Variants in TRO observed in about 807,000 individuals in gnomAD.
TRO encodes MAGE superfamily protein.
Under a neutral mutation model 42.3 loss-of-function variants are expected in TRO, and 29 were observed. That is an observed-to-expected ratio of 0.68 (90% CI 0.51 to 0.93). The LOEUF is 0.93. Among genes scored for constraint, TRO ranks in the 40% least tolerant of loss-of-function variants. The pLI, the probability that TRO is intolerant of heterozygous loss-of-function variation, is 0.00. For missense variants in TRO, 963 were observed against 1,127.7 expected (o/e 0.85, Z 2.09); for synonymous variants, 384 against 425.2 (o/e 0.90, Z 1.19).
chrX:54,921,524 A>G (rs1402908776), intron 1 of TRO: 2 of 102,660 alleles, frequency 1.9e-5, no homozygotes, highest in Non-Finnish European at 4.0e-5. Flanking sequence ...ACGTGGAAAG[A>G]GGGGGGAGTG....
At chrX:54,927,413 G>C in intron 10 of TRO, 1 of 472,168 alleles carries the variant, frequency 2.1e-6, no homozygotes, top group Non-Finnish European at 3.7e-6. Flanking sequence ...TGGCCTTCCT[G>C]TGACATCATG....
rs769841462 is a variant in TRO at position 54,930,138 on chromosome X, C to G, written c.3414C>G (p.Ser1138Arg). The change falls in exon 12 of 13, where the codon AGC (serine) becomes AGG (arginine). Residue 1138 changes from serine (S) to arginine (R), a missense_variant. Around this residue, in one of 2 missense-constraint regions of TRO, gnomAD observed 641 missense variants for 811.3 expected, o/e 0.79. Coordinates refer to ENST00000173898, the MANE Select transcript of TRO (RefSeq NM_001039705.3). ...GFGAAPSTSVSFGGAHGTSLC... is the reference protein window; with the variant it reads ...GFGAAPSTSVRFGGAHGTSLC... ...GTGCTGCTCCCAGCACCAGTGTCAG[C>G]TTTGGTGGTGCTCATGGCACCAGCC... The G allele has an allele frequency of 1.7e-5, 21 of 1,210,522 alleles. No homozygotes were observed. The highest frequency in any genetic ancestry group is 2.3e-5 in the Non-Finnish European group (21 of 895,270).
In TRO at chrX:54,929,576, G is replaced by T. The variant is rs777588653; in HGVS notation, c.2852G>T (p.Gly951Val). 8.3e-7 allele frequency: 1 copy of T among 1,211,704 alleles called. No individual in the cohort carries two copies. The highest frequency in any genetic ancestry group is 1.1e-6 in the Non-Finnish European group (1 of 895,423). Residue 951 changes from glycine to valine, a missense_variant, in exon 12 of 13, where the codon GGT (glycine) becomes GTT (valine). By Grantham distance (109) the Gly-to-Val change is moderately radical (BLOSUM62 -3). Transcript: ENST00000173898. ...GSSSTSANFG[G>V]TLSTSICFDG... ...TCCAGCACCAGTGCCAATTTTGGTGGTACACTAAGTACCAGCATCTGCTTT... is the reference window on the plus strand; with the variant it reads ...TCCAGCACCAGTGCCAATTTTGGTGTTACACTAAGTACCAGCATCTGCTTT...
At chrX:54,924,314 G>A (rs12851962) in intron 3 of TRO, 137 bp from the exon 4 acceptor site, 185,189 of 549,390 alleles carry the variant, frequency 0.34, 23,725 homozygotes, top group East Asian at 0.59. Context: ...CAATGGCAAG[G>A]TCAGGATCAG....
At position 54,924,471 on chromosome X, in the gene TRO, T is replaced by C. The variant is rs778988555; in HGVS notation, c.1257T>C (p.Asp419=). The C allele has an allele frequency of 3.3e-6, 4 of 1,206,132 alleles. No individual in the cohort carries two copies. In the African/African-American group the frequency reaches 5.2e-5, roughly 16 times the overall value. The part of the protein sequence containing the change: ...RNRKSKHLNG[D]ERSGSNYRRI... Reference sequence around the variant, plus strand: ...TGAAGTCCAAGCATCTGAATGGGGATGAGAGAAGTGGCAGTAATTACAGGC... The same window carrying C: ...TGAAGTCCAAGCATCTGAATGGGGACGAGAGAAGTGGCAGTAATTACAGGC... The change falls in exon 4 of 13, where the codon GAT becomes GAC. Residue 419 remains aspartate (D), a synonymous_variant. Transcript: ENST00000173898.
Position 54,929,474 on chromosome X carries a change from T to C in TRO, c.2750T>C (p.Ile917Thr), listed in dbSNP as rs1157156682. Residue 917 changes from isoleucine to threonine, a missense_variant, in exon 12 of 13, where the codon ATC becomes ACC. By Grantham distance (89) the Ile-to-Thr change is moderately conservative. This residue lies in a region of TRO where 641 missense variants were observed against 811.3 expected (regional missense o/e 0.79). Transcript: ENST00000173898. ...TTTGGTGGTACACTCAGTACCAGTA[T>C]CTGCTTCGGTGGCTCTCCCTGCACC... ...GSFGGTLSTS[I>T]CFGGSPCTST... The C allele has an allele frequency of 8.3e-7, 1 of 1,210,276 alleles. No homozygotes were observed. Among genetic ancestry groups the C allele is most frequent in the East Asian group, 3.0e-5 (1 of 33,738 alleles).
chrX:54,929,481 C>T lies in TRO; in HGVS notation c.2757C>T (p.Phe919=), dbSNP rs959775341. 1.4e-5 allele frequency: 17 copies of T among 1,209,513 alleles called. No individual in the cohort carries two copies. The highest frequency in any genetic ancestry group is 3.0e-5 in the East Asian group (1 of 33,704). Residue 919 remains phenylalanine (F), a synonymous_variant, in exon 12 of 13, where the codon TTC becomes TTT. Transcript: ENST00000173898. ...GTACACTCAGTACCAGTATCTGCTT[C>T]GGTGGCTCTCCCTGCACCAGCACTG... ...FGGTLSTSIC[F]GGSPCTSTGF...
chrX:54,923,145 G>T lies in TRO; in HGVS notation c.613G>T (p.Ala205Ser). 1 of 1,211,473 alleles carries T rather than the reference G, an allele frequency of 8.3e-7. No homozygotes were observed. The highest frequency in any genetic ancestry group is 1.1e-6 in the Non-Finnish European group (1 of 895,480). ...ALITSIKPKK[A>S]SKAKKAANKA... ...GATAACCTCTATCAAGCCTAAGAAA[G>T]CTTCCAAGGCTAAGAAGGCTGCAAA... is the stretch of plus-strand genomic sequence containing the variant. Residue 205 changes from alanine to serine, a missense_variant, in exon 3 of 13, where the codon GCT (alanine) becomes TCT (serine). Ala to Ser is a moderately conservative substitution (Grantham distance 99). Around this residue, in one of 2 missense-constraint regions of TRO, gnomAD observed 322 missense variants for 316.5 expected, o/e 1.02. Transcript: ENST00000173898.
intron 11 of TRO, among the ~76,000 whole-genome samples, 164 bp from the exon 12 acceptor site, chrX:54,928,439 C>T (rs886711027): frequency 4.5e-5 from 5 of 112,216 alleles, no homozygotes; most frequent in African/African-American, 1.6e-4. Flanking sequence ...TCATATAGCA[C>T]GTAAGTCAGC....
At chrX:54,924,816 C>A in intron 5 of TRO, 83 bp downstream of exon 5, 1 of 1,048,064 alleles carries the variant, frequency 9.5e-7, no homozygotes, top group Non-Finnish European at 1.3e-6. Context: ...ACTTTATGGC[C>A]TCTTTGTTCT....
rs372634427 is a variant in TRO at position 54,929,862 on chromosome X, C to T, written c.3138C>T (p.Ser1046=). The change falls in exon 12 of 13, where the codon AGC becomes AGT. Residue 1046 remains serine (S), a synonymous_variant. Transcript: ENST00000173898. ...NTDFGGTLST[S]VCFGGSPSTS... is the part of the protein sequence containing the mutation. ...ACTTTGGTGGTACACTAAGCACCAG[C>T]GTCTGTTTTGGTGGCTCTCCCAGCA... 7 of 1,205,183 alleles carry T rather than the reference C, an allele frequency of 5.8e-6. No homozygotes were observed. Among genetic ancestry groups the T allele is most frequent in the Middle Eastern group, 2.3e-4 (1 of 4,293 alleles).
Position 54,923,904 on chromosome X carries a change from A to G in TRO, c.1236+136A>G, listed in dbSNP as rs889758048. ...CAGATAGGCTGTGGAAGATGCTGAGAAGAAGGTGATATAGTTTCTGCTCCC... is the reference window on the plus strand; with the variant it reads ...CAGATAGGCTGTGGAAGATGCTGAGGAGAAGGTGATATAGTTTCTGCTCCC... On this transcript the variant is annotated intron_variant, in intron 3 of 12. Transcript: ENST00000173898. 1.3e-5 allele frequency: 9 copies of G among 683,643 alleles called. No individual in the cohort carries two copies. In the African/African-American group the frequency reaches 1.8e-4, roughly 13 times the overall value. The allele number at this position is 683,643 out of a possible 1,213,427, so 56.3% of individuals were successfully genotyped here.
At chrX:54,927,419 T>C in intron 10 of TRO, 2 of 468,118 alleles carry the variant, frequency 4.3e-6, no homozygotes, top group Non-Finnish European at 7.5e-6. Flanking sequence ...TCCTGTGACA[T>C]CATGCCCTAT....
intron 1 of TRO, chrX:54,921,941 A>G: frequency 4.3e-6 from 1 of 230,957 alleles, no homozygotes; most frequent in Non-Finnish European, 7.3e-6. Flanking sequence ...GGTGGGCCTA[A>G]GATGGGGGGT....
chrX:54,924,341 G>C, intron 3 of TRO, 110 bp from the exon 4 acceptor site: 10 of 707,125 alleles, frequency 1.4e-5, no homozygotes, highest in Non-Finnish European at 2.1e-5. Flanking sequence ...CTACAGCAAG[G>C]CTGAGGGAGG....
intron 2 of TRO, 116 bp downstream of exon 2, chrX:54,922,407 C>G: frequency 1.0e-6 from 1 of 971,791 alleles, no homozygotes; most frequent in Non-Finnish European, 1.4e-6. Flanking sequence ...CGTCTCAGTC[C>G]TCCCTTACAT....
intron 2 of TRO, 83 bp from the exon 3 acceptor site, chrX:54,922,495 C>T (rs1312717473): frequency 8.0e-6 from 8 of 1,003,813 alleles, no homozygotes; most frequent in Non-Finnish European, 1.1e-5. Flanking sequence ...AACCACTGCT[C>T]AGAGGAAGGG....
At chrX:54,926,049 C>T (rs1260580185) in intron 7 of TRO, among the ~76,000 whole-genome samples, 4 of 111,943 alleles carry the variant, frequency 3.6e-5, no homozygotes, top group Non-Finnish European at 7.5e-5. Flanking sequence ...ATGCATGAAG[C>T]GCAAGAGTGT....
intron 1 of TRO, among the ~76,000 whole-genome samples, chrX:54,921,800 G>A (rs1384441326): frequency 9.1e-6 from 1 of 110,125 alleles, no homozygotes; most frequent in Non-Finnish European, 1.9e-5. Flanking sequence ...AGAGTGGGTC[G>A]GGGTGGCGCC....
Sources: allele counts gnomAD v4.1 joint callset (sites outside exome capture counted in the v4.1 genomes callset), GRCh38; gene constraint gnomAD v4.1.1; regional missense constraint gnomAD v4.1.1; transcripts MANE v1.5; gene names NCBI Gene and HGNC (gene_info 2026-07-23, HGNC 2026-07-21).